CEP112: variants seen among roughly 807,000 people sequenced by gnomAD.
CEP112 encodes centrosomal protein of 112 kDa.
CEP112 carries 127 observed loss-of-function variants against 153.0 expected under a neutral mutation model. The ratio of observed to expected loss-of-function variants is 0.83; its 90% confidence interval spans 0.72 to 0.96. The LOEUF (loss-of-function observed/expected upper bound fraction) is 0.96. Ranked by LOEUF, CEP112 falls within the 40% of genes least tolerant of loss-of-function variation. The probability of loss-of-function intolerance (pLI) is 0.00; values close to 1 mark genes in which losing one functional copy is unlikely to be tolerated. For missense variants in CEP112, 1,089 were observed against 1,101.2 expected (o/e 0.99, Z 0.16); for synonymous variants, 358 against 374.4 (o/e 0.96, Z 0.51).
At chr17:65,969,582 C>A (rs117573668) in intron 17 of CEP112, among the ~76,000 whole-genome samples, 1 of 152,270 alleles carries the variant, frequency 6.6e-6, no homozygotes, top group East Asian at 1.9e-4. Context: ...CACAAGTATA[C>A]ACATATATTG....
intron 10 of CEP112, among the ~76,000 whole-genome samples, chr17:66,066,265 T>G (rs1262671817): frequency 6.6e-6 from 1 of 152,186 alleles, no homozygotes; most frequent in Non-Finnish European, 1.5e-5. Flanking sequence ...TTCTTTTCCT[T>G]CTTAATTAAA....
intron 6 of CEP112, among the ~76,000 whole-genome samples, chr17:66,107,731 A>G (rs1191420738): frequency 6.6e-6 from 1 of 152,140 alleles, no homozygotes; most frequent in African/African-American, 2.4e-5. Flanking sequence ...AAAGCAATCT[A>G]CAGAGTCAAT....
intron 12 of CEP112, among the ~76,000 whole-genome samples, chr17:66,048,649 G>A (rs752824078): frequency 1.3e-5 from 2 of 152,078 alleles, no homozygotes; most frequent in African/African-American, 2.4e-5. Context: ...TCGCTCTGTT[G>A]CCTAGGCTGG....
intron 11 of CEP112, among the ~76,000 whole-genome samples, chr17:66,054,334 C>A (rs553293286): frequency 1.3e-5 from 2 of 152,250 alleles, no homozygotes; most frequent in African/African-American, 4.8e-5. Flanking sequence ...CCTACCTGCA[C>A]CTCAAACAAG....
At chr17:66,094,604 A>T (rs1309670395) in intron 8 of CEP112, among the ~76,000 whole-genome samples, 1 of 152,148 alleles carries the variant, frequency 6.6e-6, no homozygotes, top group Non-Finnish European at 1.5e-5. Context: ...GATGTTTTGG[A>T]TATGAACCGA....
At chr17:65,732,384 A>T (rs968591217) in intron 23 of CEP112, among the ~76,000 whole-genome samples, 1 of 152,172 alleles carries the variant, frequency 6.6e-6, no homozygotes, top group Admixed American at 6.5e-5. Flanking sequence ...TTCTTGTTCC[A>T]CTGAAAAAGC....
At chr17:65,751,948 GTCC>G (rs2051879573) in intron 21 of CEP112, among the ~76,000 whole-genome samples, 2 of 130,762 alleles carry the variant, frequency 1.5e-5, no homozygotes, top group Non-Finnish European at 3.2e-5. Context: ...TTGCAATACA[GTCC>G]TTCTATCTAT....
At chr17:65,911,782 G>C (rs1053909460) in intron 19 of CEP112, among the ~76,000 whole-genome samples, 1 of 152,150 alleles carries the variant, frequency 6.6e-6, no homozygotes, top group African/African-American at 2.4e-5. Context: ...GCATGGTCCT[G>C]TTTCTAGAAA....
intron 16 of CEP112, among the ~76,000 whole-genome samples, chr17:66,013,255 A>G (rs1192389101): frequency 2.6e-5 from 4 of 152,166 alleles, no homozygotes; most frequent in Admixed American, 2.0e-4. Context: ...TTGCTGGAGA[A>G]CTAGTGTGGG....
chr17:65,881,195 C>A (rs779274507), intron 20 of CEP112, among the ~76,000 whole-genome samples: 9 of 152,168 alleles, frequency 5.9e-5, no homozygotes, highest in Non-Finnish European at 7.4e-5. Flanking sequence ...CCAGCCTGGG[C>A]GACAGAGAGA....
chr17:66,000,099 T>C (rs1323177656), intron 17 of CEP112, among the ~76,000 whole-genome samples: 1 of 152,176 alleles, frequency 6.6e-6, no homozygotes, highest in Non-Finnish European at 1.5e-5. Flanking sequence ...AGTAATAGGA[T>C]TGCTGGGTCG....
Position 66,029,167 on chromosome 17 carries a change from C to T in CEP112, c.1459G>A (p.Asp487Asn), listed in dbSNP as rs781540909. The T allele has an allele frequency of 1.9e-6, 3 of 1,608,922 alleles. No homozygotes were observed. Among genetic ancestry groups the T allele is most frequent in the Non-Finnish European group, 1.7e-6 (2 of 1,175,900 alleles). ...MKLLQTKYDA[D>N]INLLKQEHAL... ...TGTTCTTGTTTTAGAAGGTTTATAT[C>T]AGCATCATATTTGGTTTGTAACAGT... Residue 487 changes from aspartate to asparagine, a missense_variant, in exon 14 of 27, where the codon GAT (aspartate) becomes AAT (asparagine). Physicochemically the swap from Asp to Asn is conservative, Grantham distance 23. Coordinates refer to ENST00000535342, the MANE Select transcript of CEP112 (RefSeq NM_001199165.4).
intron 4 of CEP112, among the ~76,000 whole-genome samples, chr17:66,159,971 G>A (rs2071626234): frequency 6.6e-6 from 1 of 152,030 alleles, no homozygotes; most frequent in African/African-American, 2.4e-5. Flanking sequence ...ACTACTTAAG[G>A]TGATAAGCAA....
chr17:65,731,280 C>T (rs1005656462), intron 23 of CEP112, among the ~76,000 whole-genome samples: 2 of 152,066 alleles, frequency 1.3e-5, no homozygotes, highest in Non-Finnish European at 2.9e-5. Flanking sequence ...AAGAGAGTCT[C>T]GCATATTTTT....
At chr17:65,820,180 C>T (rs35098727) in intron 21 of CEP112, among the ~76,000 whole-genome samples, 24,684 of 151,926 alleles carry the variant, frequency 0.16, 2,696 homozygotes, top group South Asian at 0.34. Context: ...GACATTCTTC[C>T]GATTTTTCCT....
intron 20 of CEP112, 124 bp downstream of exon 20, chr17:65,902,022 AAATCAC>A: frequency 2.5e-6 from 1 of 403,784 alleles, no homozygotes; most frequent in South Asian, 5.3e-5. Context: ...AACAAAAAAA[AAATCAC>A]ATTTATATGT....
At chr17:65,968,167 ACTT>A (rs1284481458) in intron 17 of CEP112, among the ~76,000 whole-genome samples, 1 of 152,150 alleles carries the variant, frequency 6.6e-6, no homozygotes, top group Non-Finnish European at 1.5e-5. Flanking sequence ...GGTGAGGACC[ACTT>A]CTTGTTATTA....
chr17:65,735,859 C>CCG (rs2050772562), intron 23 of CEP112, among the ~76,000 whole-genome samples: 1 of 152,108 alleles, frequency 6.6e-6, no homozygotes, highest in Non-Finnish European at 1.5e-5. Flanking sequence ...CTCAGGGACT[C>CCG]ATCGGAGTCT....
intron 23 of CEP112, among the ~76,000 whole-genome samples, chr17:65,701,898 G>GA (rs2048655017): frequency 8.6e-6 from 1 of 116,060 alleles, no homozygotes. Flanking sequence ...TTTTTTTTTT[G>GA]TTTTTTTTTT....
Sources: allele counts gnomAD v4.1 joint callset (sites outside exome capture counted in the v4.1 genomes callset), GRCh38; gene constraint gnomAD v4.1.1; transcripts MANE v1.5; gene names NCBI Gene and HGNC (gene_info 2026-07-23, HGNC 2026-07-21).